KCNIP4: variants seen among roughly 807,000 people sequenced by gnomAD.
KCNIP4 encodes potassium voltage-gated channel interacting protein 4, also known as Kv channel-interacting protein 4.
In KCNIP4, 12 loss-of-function variants were observed where a neutral mutation model predicts 34.0. The ratio of observed to expected loss-of-function variants is 0.35; its 90% confidence interval spans 0.23 to 0.57. The LOEUF is 0.57. Among genes scored for constraint, KCNIP4 ranks in the 20% least tolerant of loss-of-function variants. The pLI, the probability that KCNIP4 is intolerant of heterozygous loss-of-function variation, is 0.83. For synonymous variants in KCNIP4, 124 were observed against 102.2 expected (o/e 1.21, Z -1.29); for missense variants, 238 against 311.7 (o/e 0.76, Z 1.78).
intron 1 of KCNIP4, among the ~76,000 whole-genome samples, chr4:21,321,914 A>G (rs1312705709): frequency 2.9e-5 from 4 of 137,314 alleles, no homozygotes; most frequent in Non-Finnish European, 6.3e-5. Flanking sequence ...AGAGGGAAGG[A>G]AGGAAGGAAA....
At chr4:21,317,561 G>T (rs1713906546) in intron 1 of KCNIP4, among the ~76,000 whole-genome samples, 1 of 152,136 alleles carries the variant, frequency 6.6e-6, no homozygotes, top group South Asian at 2.1e-4. Context: ...GTGACAATGT[G>T]TGACTATAAA....
chr4:21,216,039 C>T (rs1757552642), intron 1 of KCNIP4, among the ~76,000 whole-genome samples: 1 of 152,138 alleles, frequency 6.6e-6, no homozygotes, highest in Admixed American at 6.5e-5. Context: ...AATCCTCCAG[C>T]CTCAGCCTCC....
chr4:20,955,694 G>C (rs895796745), intron 1 of KCNIP4, among the ~76,000 whole-genome samples: 1 of 152,050 alleles, frequency 6.6e-6, no homozygotes, highest in Non-Finnish European at 1.5e-5. Context: ...ACCTGAGAGA[G>C]GTAAGTTGAA....
chr4:20,752,981 G>C (rs1395803523), intron 4 of KCNIP4: 1 of 152,182 alleles, frequency 6.6e-6, no homozygotes, highest in Non-Finnish European at 1.5e-5. Context: ...CTCCGTCTAT[G>C]ACCTCTTCGT....
At chr4:20,990,960 G>C (rs1737032140) in intron 1 of KCNIP4, among the ~76,000 whole-genome samples, 1 of 152,158 alleles carries the variant, frequency 6.6e-6, no homozygotes, top group African/African-American at 2.4e-5. Context: ...ACAGTGTGCT[G>C]TGTGCATTAC....
chr4:20,953,361 C>G (rs888247391), intron 1 of KCNIP4, among the ~76,000 whole-genome samples: 1 of 152,124 alleles, frequency 6.6e-6, no homozygotes, highest in Admixed American at 6.5e-5. Flanking sequence ...TGGTTGGAAC[C>G]TAGCACAGTG....
chr4:21,235,611 G>A (rs1226340763), intron 1 of KCNIP4, among the ~76,000 whole-genome samples: 1 of 152,086 alleles, frequency 6.6e-6, no homozygotes, highest in Non-Finnish European at 1.5e-5. Flanking sequence ...CATTTACCAT[G>A]CTATATTTCT....
intron 1 of KCNIP4, among the ~76,000 whole-genome samples, chr4:21,217,462 G>A (rs2108991590): frequency 6.6e-6 from 1 of 152,258 alleles, no homozygotes; most frequent in South Asian, 2.1e-4. Flanking sequence ...CTTGATTTGA[G>A]AAACGACTAT....
At chr4:21,389,690 C>G (rs2109508662) in intron 1 of KCNIP4, among the ~76,000 whole-genome samples, 1 of 152,026 alleles carries the variant, frequency 6.6e-6, no homozygotes, top group East Asian at 1.9e-4. Context: ...TTTTCTTAAT[C>G]CAGTTTATCA....
intron 1 of KCNIP4, among the ~76,000 whole-genome samples, chr4:21,151,438 G>C (rs879916915): frequency 3.8e-5 from 2 of 52,970 alleles, no homozygotes; most frequent in East Asian, 5.4e-4. Flanking sequence ...TTTTTTTGCT[G>C]TTCTGGAGCC....
intron 1 of KCNIP4, among the ~76,000 whole-genome samples, chr4:21,742,853 A>T (rs1716509171): frequency 6.6e-6 from 1 of 152,198 alleles, no homozygotes; most frequent in Non-Finnish European, 1.5e-5. Flanking sequence ...GCATACACAT[A>T]CACCTACAAT....
chr4:20,755,522 A>T (rs751557656), intron 4 of KCNIP4, among the ~76,000 whole-genome samples: 14 of 152,198 alleles, frequency 9.2e-5, no homozygotes, highest in Admixed American at 6.5e-5. Context: ...TGACCTGTGG[A>T]TACAACAGTA....
chr4:21,916,390 TC>T (rs1238851102), intron 1 of KCNIP4, among the ~76,000 whole-genome samples: 1 of 152,170 alleles, frequency 6.6e-6, no homozygotes, highest in Non-Finnish European at 1.5e-5. Context: ...AAGGAAAAAG[TC>T]CTGATGTCAT....
chr4:21,595,852 C>T (rs1441318678), intron 1 of KCNIP4, among the ~76,000 whole-genome samples: 2 of 152,096 alleles, frequency 1.3e-5, no homozygotes, highest in Non-Finnish European at 2.9e-5. Context: ...GTGCTGACTT[C>T]TCTGTTCAGC....
intron 1 of KCNIP4, among the ~76,000 whole-genome samples, chr4:20,967,579 C>T (rs1389775706): frequency 1.3e-5 from 2 of 152,084 alleles, no homozygotes; most frequent in Non-Finnish European, 2.9e-5. Flanking sequence ...TACCAAAACA[C>T]ATATATAGAC....
At chr4:21,304,065 G>GAC (rs1200662730) in intron 1 of KCNIP4, 3 of 378,508 alleles carry the variant, frequency 7.9e-6, no homozygotes, top group African/African-American at 5.3e-5. Flanking sequence ...GAGAGAGAGA[G>GAC]AGACAGAGAG....
At chr4:21,471,966 C>G (rs1460542120) in intron 1 of KCNIP4, among the ~76,000 whole-genome samples, 1 of 152,116 alleles carries the variant, frequency 6.6e-6, no homozygotes. Context: ...AGAAAGAAAA[C>G]AAATACTTCA....
intron 1 of KCNIP4, among the ~76,000 whole-genome samples, chr4:21,119,617 T>C (rs1749977389): frequency 6.6e-6 from 1 of 151,848 alleles, no homozygotes; most frequent in South Asian, 2.1e-4. Flanking sequence ...CAAACAAAAA[T>C]AATGCCTTTC....
intron 1 of KCNIP4, among the ~76,000 whole-genome samples, chr4:20,921,354 T>C (rs373970903): frequency 6.6e-6 from 1 of 152,206 alleles, no homozygotes; most frequent in South Asian, 2.1e-4. Flanking sequence ...CCATGGATTA[T>C]TGATGAGAAC....
Sources: allele counts gnomAD v4.1 joint callset (sites outside exome capture counted in the v4.1 genomes callset), GRCh38; gene constraint gnomAD v4.1.1; transcripts MANE v1.5; gene names NCBI Gene and HGNC (gene_info 2026-07-23, HGNC 2026-07-21).